The following IQCK variants were observed in gnomAD, a reference collection of about 807,000 sequenced individuals.
IQCK encodes the protein IQ domain-containing protein K.
Under a neutral mutation model 28.1 loss-of-function variants are expected in IQCK, and 29 were observed. The ratio of observed to expected loss-of-function variants is 1.03; its 90% CI spans 0.77 to 1.41. IQCK has a LOEUF of 1.41. Ranked by LOEUF, IQCK falls within the 40% of genes most tolerant of loss-of-function variation. The probability of loss-of-function intolerance (pLI) is 0.00; values close to 1 mark genes in which losing one functional copy is unlikely to be tolerated. For synonymous variants in IQCK, 113 were observed against 115.1 expected (o/e 0.98, Z 0.12); for missense variants, 359 against 314.7 (o/e 1.14, Z -1.07).
At chr16:19,845,344 T>C (rs1311812019) in intron 9 of IQCK, among the ~76,000 whole-genome samples, 3 of 152,280 alleles carry the variant, frequency 2.0e-5, no homozygotes, top group African/African-American at 7.2e-5. Context: ...CAGTCTGAAC[T>C]GGCTAACAGT....
rs1479086930 is a variant in IQCK, at chr16:19,798,431, T to A, written c.690+9509T>A. On this transcript the variant is annotated intron_variant, in intron 7 of 7. Transcript: ENST00000564186. ...GAGTCCATCACAAAAAATATATATA[T>A]ATATATATATATATTTCGGTCACTT... Among the ~76,000 whole-genome samples, 6 of 119,672 alleles carry A rather than the reference T, an allele frequency of 5.0e-5. No individual in the cohort carries two copies. The South Asian group carries it at 8.9e-4, about 18-fold the overall frequency. The allele number at this position is 119,672 out of a possible 152,430, so 78.5% of individuals were successfully genotyped here. A position where few individuals can be genotyped will look rare whatever the true frequency, so the allele number is the denominator to read the frequency against.
At chr16:19,851,227 C>T (rs1169325412) in intron 9 of IQCK, among the ~76,000 whole-genome samples, 1 of 152,154 alleles carries the variant, frequency 6.6e-6, no homozygotes, top group Non-Finnish European at 1.5e-5. Context: ...TTGCCCAAAT[C>T]TGCTCTCTTT....
chr16:19,853,255 A>G (rs1320630135), intron 9 of IQCK, among the ~76,000 whole-genome samples: 2 of 152,022 alleles, frequency 1.3e-5, no homozygotes, highest in Admixed American at 6.6e-5. Context: ...AGGTAATTCC[A>G]CTGGGAGGCT....
chr16:19,787,160 C>T (rs564420841), intron 6 of IQCK, among the ~76,000 whole-genome samples: 1 of 5,260 alleles, frequency 1.9e-4, no homozygotes, highest in Non-Finnish European at 3.3e-4. Flanking sequence ...CCCTTGTATC[C>T]TGGAGAATCA....
At chr16:19,807,139 A>G (rs1368270188) in intron 7 of IQCK, among the ~76,000 whole-genome samples, 1 of 152,138 alleles carries the variant, frequency 6.6e-6, no homozygotes, top group Non-Finnish European at 1.5e-5. Flanking sequence ...GATCATCCCT[A>G]TGGGGGCACC....
At chr16:19,752,881 CAA>C (rs1326849684) in intron 4 of IQCK, among the ~76,000 whole-genome samples, 2 of 152,112 alleles carry the variant, frequency 1.3e-5, no homozygotes, top group African/African-American at 4.8e-5. Context: ...AAAATGTAGA[CAA>C]GAGGCCCACA....
chr16:19,808,361 C>G (rs2055859186), intron 7 of IQCK, among the ~76,000 whole-genome samples: 1 of 152,132 alleles, frequency 6.6e-6, no homozygotes, highest in African/African-American at 2.4e-5. Flanking sequence ...TCACAATGTA[C>G]CCCCAGTATG....
At chr16:19,784,548 G>A (rs1472084861) in intron 6 of IQCK, among the ~76,000 whole-genome samples, 1 of 152,200 alleles carries the variant, frequency 6.6e-6, no homozygotes, top group Non-Finnish European at 1.5e-5. Context: ...TTTGTTGAGT[G>A]TGCCTACTAT....
intron 9 of IQCK, among the ~76,000 whole-genome samples, chr16:19,839,039 A>G (rs867401463): frequency 6.6e-6 from 1 of 151,126 alleles, no homozygotes; most frequent in Non-Finnish European, 1.5e-5. Flanking sequence ...AAAAAAAAAA[A>G]AAAGGAAGCT....
intron 7 of IQCK, among the ~76,000 whole-genome samples, chr16:19,805,869 T>TG (rs1012827953): frequency 8.1e-4 from 113 of 140,080 alleles, no homozygotes; most frequent in African/African-American, 2.7e-3. Context: ...TTTGGTGGGG[T>TG]GGGGGGGCTA....
chr16:19,833,374 A>G (rs1285645105), intron 9 of IQCK, among the ~76,000 whole-genome samples: 1 of 152,184 alleles, frequency 6.6e-6, no homozygotes, highest in Non-Finnish European at 1.5e-5. Context: ...TCCCTAATAC[A>G]TTATGCAATG....
chr16:19,849,017 C>T (rs576070408), intron 9 of IQCK, among the ~76,000 whole-genome samples: 5 of 152,150 alleles, frequency 3.3e-5, no homozygotes, highest in African/African-American at 4.8e-5. Flanking sequence ...TCCCCTGCAG[C>T]TTCTGATTGG....
intron 1 of IQCK, among the ~76,000 whole-genome samples, chr16:19,723,105 C>T (rs1977547276): frequency 6.6e-6 from 1 of 150,580 alleles, no homozygotes; most frequent in Non-Finnish European, 1.5e-5. Context: ...CCACCCTGCC[C>T]CCACTCCCCA....
chr16:19,729,469 C>T (rs1977760447), intron 1 of IQCK, among the ~76,000 whole-genome samples: 1 of 151,774 alleles, frequency 6.6e-6, no homozygotes, highest in African/African-American at 2.4e-5. Flanking sequence ...CTTACCCAAC[C>T]TCCACGTTCT....
intron 4 of IQCK, among the ~76,000 whole-genome samples, chr16:19,744,132 G>C (rs2054873944): frequency 6.6e-6 from 1 of 151,992 alleles, no homozygotes; most frequent in Non-Finnish European, 1.5e-5. Context: ...ATGCAAGCTT[G>C]ATTATTTTGA....
intron 6 of IQCK, chr16:19,765,927 C>A (rs1003129108): frequency 1.3e-5 from 2 of 152,112 alleles, no homozygotes; most frequent in African/African-American, 4.8e-5. Flanking sequence ...AAGATAACTT[C>A]TCTAATAAGA....
At chr16:19,806,443 T>C (rs554650359) in intron 7 of IQCK, among the ~76,000 whole-genome samples, 1 of 151,980 alleles carries the variant, frequency 6.6e-6, no homozygotes, top group South Asian at 2.1e-4. Flanking sequence ...TTCAGCACTT[T>C]GGGAGGCTGA....
intron 9 of IQCK, among the ~76,000 whole-genome samples, chr16:19,839,356 T>A: frequency 6.6e-6 from 1 of 152,034 alleles, no homozygotes; most frequent in Admixed American, 6.5e-5. Context: ...CAATGAGGTT[T>A]TACTATGTTG....
intron 6 of IQCK, among the ~76,000 whole-genome samples, chr16:19,785,914 G>T (rs1402220961): frequency 6.6e-6 from 1 of 151,960 alleles, no homozygotes; most frequent in Non-Finnish European, 1.5e-5. Flanking sequence ...GCTTTGCTGG[G>T]CGTTTTGTAC....
Sources: allele counts gnomAD v4.1 joint callset (sites outside exome capture counted in the v4.1 genomes callset), GRCh38; gene constraint gnomAD v4.1.1; transcripts MANE v1.5; gene names NCBI Gene and HGNC (gene_info 2026-07-23, HGNC 2026-07-21).